The following FANCD2 variants were observed in gnomAD, a reference collection of about 807,000 sequenced individuals.
FANCD2 encodes FA complementation group D2.
A neutral mutation model predicts 192.3 loss-of-function variants in FANCD2; 131 were observed. The observed-to-expected ratio is 0.68, with a 90% confidence interval of 0.59 to 0.79. FANCD2 has a LOEUF of 0.79. Among genes scored for constraint, FANCD2 ranks in the 30% least tolerant of loss-of-function variants. The pLI, the probability that FANCD2 is intolerant of heterozygous loss-of-function variation, is 0.00. For synonymous variants in FANCD2, 524 were observed against 612.5 expected, an observed-to-expected ratio of 0.86 and a Z score of 2.13; for missense variants, 1,508 against 1,701.6, an observed-to-expected ratio of 0.89 and a Z score of 2.00.
At chr3:10,027,317 CTT>C (rs551852643) in intron 1 of FANCD2, among the ~76,000 whole-genome samples, 42 of 152,174 alleles carry the variant, frequency 2.8e-4, no homozygotes, top group Non-Finnish European at 5.0e-4. Flanking sequence ...AGGAGGAACA[CTT>C]TTCAAGGAAG....
At position 10,089,530 on chromosome 3, in the gene FANCD2, C is replaced by T. The variant is rs377658972; in HGVS notation, c.3683+580C>T. 3.8e-4 allele frequency among the ~76,000 whole-genome samples: 58 copies of T among 152,118 alleles called. No individual in the cohort carries two copies. In the South Asian group the frequency reaches 0.01, roughly 27 times the overall value. ...TGTCACCCAGGCTGGAGTGCAGTGG[C>T]GTAATCTCAGCTCACTGCAACCTCC... On this transcript the variant is annotated intron_variant, in intron 36 of 43. Coordinates refer to ENST00000675286, the MANE Select transcript of FANCD2 (RefSeq NM_001018115.3).
Position 10,039,300 on chromosome 3 carries a change from C to T in FANCD2, c.513C>T (p.Asn171=). 1 of 1,613,796 alleles carries T rather than the reference C, an allele frequency of 6.2e-7. No individual in the cohort carries two copies. The highest frequency in any genetic ancestry group is 8.5e-7 in the Non-Finnish European group (1 of 1,179,716). Residue 171 remains asparagine (N), a synonymous_variant, in exon 8 of 44, where the codon AAC becomes AAT. Transcript: ENST00000675286. ...TTAGCAAGAACAGTGATGAAATCAA[C>T]ATACCTCGACTCATTGTCAGTCAAC... ...FFENKNSDEI[N]IPRLIVSQLK...
At chr3:10,031,320 G>C (rs3100098) in intron 2 of FANCD2, among the ~76,000 whole-genome samples, 20 of 151,448 alleles carry the variant, frequency 1.3e-4, no homozygotes, top group Non-Finnish European at 2.1e-4. Context: ...TGGCTAACAT[G>C]GTGAAACCCC....
At chr3:10,053,098 A>G (rs1295522438) in intron 18 of FANCD2, among the ~76,000 whole-genome samples, 1 of 147,994 alleles carries the variant, frequency 6.8e-6, no homozygotes, top group African/African-American at 2.5e-5. Context: ...TTGCGGCACT[A>G]TTCACAATAG....
chr3:10,093,728 C>A (rs1694789490), intron 39 of FANCD2, among the ~76,000 whole-genome samples: 1 of 152,076 alleles, frequency 6.6e-6, no homozygotes, highest in African/African-American at 2.4e-5. Flanking sequence ...GTGGGAATAG[C>A]CTGTATTAGC....
At chr3:10,046,055 C>CTTTTTTTTTTTTTTTTTT (rs57661428) in intron 14 of FANCD2, among the ~76,000 whole-genome samples, 15 of 124,416 alleles carry the variant, frequency 1.2e-4, no homozygotes, top group African/African-American at 2.6e-4. Flanking sequence ...GCTCTGTATT[C>CTTTTTTTTTTTTTTTTTT]TTTTTTTTTT....
chr3:10,096,192 C>T, intron 41 of FANCD2, 134 bp from the exon 42 acceptor site: 1 of 893,802 alleles, frequency 1.1e-6, no homozygotes, highest in Non-Finnish European at 1.8e-6. Flanking sequence ...CAAACTATTC[C>T]TGTTTGATGG....
In FANCD2 at chr3:10,041,726, C is replaced by T. The variant is rs1377321887; in HGVS notation, c.783+16C>T. On this transcript the variant is annotated intron_variant, in intron 10 of 43. Transcript: ENST00000675286. The stretch of plus-strand genomic sequence containing the variant: ...CCTATTGAAGGTAGAAAAGACTCAG[C>T]TTTCCAGAAACAGAGCCAGCTTTCC... 1 of 1,598,862 alleles carries T rather than the reference C, an allele frequency of 6.3e-7. No homozygotes were observed. Among genetic ancestry groups the T allele is most frequent in the South Asian group, 1.1e-5 (1 of 90,774 alleles).
chr3:10,088,386 C>G (rs1694364798), intron 34 of FANCD2, 63 bp from the exon 35 acceptor site: 1 of 1,013,286 alleles, frequency 9.9e-7, no homozygotes, highest in African/African-American at 1.6e-5. Context: ...CCTCAAAAAC[C>G]TGAAAAGCAA....
At chr3:10,085,972 AAC>A (rs1366751920) in intron 33 of FANCD2, 50 bp downstream of exon 33, 2 of 1,296,370 alleles carry the variant, frequency 1.5e-6, no homozygotes, top group Admixed American at 3.4e-5. Context: ...AACTCCTAGG[AAC>A]AGGATTGGCA....
At chr3:10,046,480 C>A in intron 14 of FANCD2, 100 bp from the exon 15 acceptor site, 2 of 1,560,848 alleles carry the variant, frequency 1.3e-6, no homozygotes, top group Non-Finnish European at 1.7e-6. Flanking sequence ...TGAGCATTAT[C>A]CATTCTGTGT....
chr3:10,078,650 G>A (rs1008256347), intron 30 of FANCD2, among the ~76,000 whole-genome samples: 5 of 147,846 alleles, frequency 3.4e-5, no homozygotes, highest in South Asian at 2.4e-4. Context: ...CACCGCGCCC[G>A]GCCTCATCTT....
At chr3:10,085,559 T>G (rs1302073232) in intron 32 of FANCD2, among the ~76,000 whole-genome samples, 1 of 152,000 alleles carries the variant, frequency 6.6e-6, no homozygotes, top group African/African-American at 2.4e-5. Context: ...ACCCAGCTAA[T>G]TTTTGTATTT....
chr3:10,038,751 T>C (rs551349008), intron 7 of FANCD2, among the ~76,000 whole-genome samples: 1 of 152,104 alleles, frequency 6.6e-6, no homozygotes, highest in East Asian at 1.9e-4. Context: ...CAGCTAATTT[T>C]TGTATTTTTA....
chr3:10,040,177 G>C (rs1408692795), intron 9 of FANCD2: 1 of 376,680 alleles, frequency 2.7e-6, no homozygotes, highest in African/African-American at 2.1e-5. Flanking sequence ...TGGGACTAGA[G>C]GCACCTGCTA....
rs376073958 is a variant in FANCD2, at chr3:10,054,410, C to T, written c.1656+1913C>T. On this transcript the variant is annotated intron_variant, in intron 18 of 43. Transcript: ENST00000675286. ...ATATGTATATACGTATATGTATATA[C>T]GTATATACATATATACATGTATATA... Among the ~76,000 whole-genome samples, 20 of 71,410 alleles carry T rather than the reference C, an allele frequency of 2.8e-4. No individual in the cohort carries two copies. The East Asian group carries it at 4.9e-3, about 18-fold the overall frequency. The allele number at this position is 71,410 out of a possible 152,430, so 46.8% of individuals were successfully genotyped here.
Position 10,101,172 on chromosome 3 carries a change from A to T in FANCD2, c.4282-16A>T. The T allele has an allele frequency of 6.2e-7, 1 of 1,601,736 alleles. No individual in the cohort carries two copies. Among genetic ancestry groups the T allele is most frequent in the East Asian group, 2.2e-5 (1 of 44,814 alleles). On this transcript the variant is annotated splice_polypyrimidine_tract_variant and intron_variant, in intron 43 of 43. Coordinates refer to ENST00000675286, the MANE Select transcript of FANCD2 (RefSeq NM_001018115.3). ...AGTAACCTAAAATGCTTATTTATTT[A>T]TTCTTTGCCCCTTAGGATGGTGAAG...
At chr3:10,063,700 C>T (rs2087631360) in intron 20 of FANCD2, 92 bp from the exon 21 acceptor site, 1 of 1,550,172 alleles carries the variant, frequency 6.5e-7, no homozygotes, top group African/African-American at 1.4e-5. Flanking sequence ...CCAGTAAAAT[C>T]AGAAAGTGAA....
In FANCD2 at chr3:10,081,333, T is replaced by G. The variant is rs759732362; in HGVS notation, c.3106-13T>G. 6.0e-5 allele frequency: 96 copies of G among 1,612,274 alleles called. No individual in the cohort carries two copies. The highest frequency in any genetic ancestry group is 8.1e-5 in the Non-Finnish European group (95 of 1,178,444). ...TACTGAAGCAACTGTCCTAAAATCA[T>G]TTTTATTTTTAGTGTTTAGCTGCTG... On this transcript the variant is annotated splice_polypyrimidine_tract_variant and intron_variant, in intron 31 of 43. Coordinates refer to ENST00000675286, the MANE Select transcript of FANCD2 (RefSeq NM_001018115.3).
Sources: allele counts gnomAD v4.1 joint callset (sites outside exome capture counted in the v4.1 genomes callset), GRCh38; gene constraint gnomAD v4.1.1; transcripts MANE v1.5; gene names NCBI Gene and HGNC (gene_info 2026-07-23, HGNC 2026-07-21).